ZC3HC1: variants seen among roughly 807,000 people sequenced by gnomAD.
ZC3HC1 encodes the protein zinc finger C3HC-type containing 1, also known as zinc finger C3HC-type protein 1.
A neutral mutation model predicts 61.9 loss-of-function variants in ZC3HC1; 38 were observed. The ratio of observed to expected loss-of-function variants is 0.61; its 90% CI spans 0.47 to 0.81. ZC3HC1 has a LOEUF of 0.81. ZC3HC1 is among the 30% of genes least tolerant of loss of function. ZC3HC1 has a pLI of 0.00. For synonymous variants in ZC3HC1, 213 were observed against 229.9 expected (o/e 0.93, Z 0.67); for missense variants, 554 against 622.7 (o/e 0.89, Z 1.17).
chr7:130,040,875 T>A (rs576421461), intron 3 of ZC3HC1, 76 bp downstream of exon 3: 3 of 1,411,128 alleles, frequency 2.1e-6, no homozygotes, highest in Non-Finnish European at 2.8e-6. Context: ...TAAAATGACC[T>A]TTTTTCCCCC....
At chr7:130,018,803 AC>A in intron 9 of ZC3HC1, 71 bp from the exon 10 acceptor site, 1 of 1,360,110 alleles carries the variant, frequency 7.4e-7, no homozygotes, top group Non-Finnish European at 1.0e-6. Flanking sequence ...CATTTGTCCC[AC>A]AATGATCTGG....
Position 130,023,707 on chromosome 7 carries a change from C to T in ZC3HC1, c.1037G>A (p.Gly346Asp). ...PGSEQAEKSP[G>D]PIVSRTRSWD... ...GCTCCGAGTTCGAGAGACAATGGGA[C>T]CAGGGCTCTTTTCAGCCTGAAGGAA... Residue 346 changes from glycine to aspartate, a missense_variant, in exon 8 of 10, where the codon GGT (glycine) becomes GAT (aspartate). Physicochemically the swap from Gly to Asp is moderately conservative, Grantham distance 94. Coordinates refer to ENST00000358303, the MANE Select transcript of ZC3HC1 (RefSeq NM_016478.5). This position sits in a 1 kb window ranked among gnomAD's most constrained non-coding sequence, Gnocchi z 4.2. The T allele has an allele frequency of 1.2e-6, 2 of 1,613,922 alleles. No homozygotes were observed. The highest frequency in any genetic ancestry group is 2.2e-5 in the East Asian group (1 of 44,886).
intron 4 of ZC3HC1, among the ~76,000 whole-genome samples, chr7:130,035,289 T>A (rs1255034781): frequency 6.7e-6 from 1 of 148,934 alleles, no homozygotes; most frequent in Non-Finnish European, 1.5e-5. Flanking sequence ...TACTCGGGGG[T>A]GCTGAGGCAG....
In ZC3HC1 at chr7:130,033,693, C is replaced by T. The variant is rs138900412; in HGVS notation, c.494-4664G>A. Among the ~76,000 whole-genome samples, 1,165 of 152,204 alleles carry T rather than the reference C, an allele frequency of 7.7e-3. 9 individuals are homozygous for T. The highest frequency in any genetic ancestry group is 0.02 in the Middle Eastern group (6 of 294). The stretch of plus-strand genomic sequence containing the variant: ...GGTCTCAAACTCCTGACCTCGTGAT[C>T]TGCCTGCCTCGGTCACCCAAAGTGT... On this transcript the variant is annotated intron_variant, in intron 4 of 9. Transcript: ENST00000358303.
chr7:130,049,121 T>G lies in ZC3HC1; in HGVS notation c.170A>C (p.Gln57Pro). 1 of 1,602,856 alleles carries G rather than the reference T, an allele frequency of 6.2e-7. No individual in the cohort carries two copies. ...CGCTTGGGGTGATCCATTAACTGAC[T>G]GGGATGTGGCAGACGTGTCCTTCCT... ...VDAKDTSATS[Q>P]SVNGSPQAEQ... Residue 57 changes from glutamine to proline, a missense_variant, in exon 2 of 10, where the codon CAG becomes CCG. Coordinates refer to ENST00000358303, the MANE Select transcript of ZC3HC1 (RefSeq NM_016478.5).
At chr7:130,041,907 C>T (rs1009009558) in intron 2 of ZC3HC1, among the ~76,000 whole-genome samples, 1 of 152,130 alleles carries the variant, frequency 6.6e-6, no homozygotes, top group African/African-American at 2.4e-5. Flanking sequence ...TTTTAATGCA[C>T]AGGCCCATAC....
intron 2 of ZC3HC1, 41 bp from the exon 3 acceptor site, chr7:130,041,142 A>G (rs199642983): frequency 0.016 from 24,160 of 1,537,918 alleles, 227 homozygotes; most frequent in Middle Eastern, 0.018. Context: ...ATATATATAT[A>G]TATGTGTGTG....
At chr7:130,040,802 C>T (rs1377936745) in intron 3 of ZC3HC1, 149 bp downstream of exon 3, 4 of 798,572 alleles carry the variant, frequency 5.0e-6, no homozygotes, top group East Asian at 2.7e-5. Context: ...AAGCAAGACC[C>T]CATCTCAAAA....
intron 3 of ZC3HC1, 70 bp downstream of exon 3, chr7:130,040,881 C>A: frequency 7.4e-7 from 1 of 1,343,838 alleles, no homozygotes; most frequent in African/African-American, 1.5e-5. Flanking sequence ...GACCTTTTTT[C>A]CCCCCCCAGA....
intron 2 of ZC3HC1, among the ~76,000 whole-genome samples, chr7:130,043,138 G>A (rs552013123): frequency 1.2e-4 from 19 of 152,192 alleles, no homozygotes; most frequent in African/African-American, 3.4e-4. Context: ...TCAGCTGGGT[G>A]TGGTAGTATG....
intron 6 of ZC3HC1, among the ~76,000 whole-genome samples, chr7:130,025,248 A>C (rs1248603032): frequency 1.3e-5 from 2 of 150,998 alleles, no homozygotes; most frequent in Non-Finnish European, 3.0e-5. Flanking sequence ...TAAACAAAAA[A>C]CATTCCTTAA....
At position 130,024,644 on chromosome 7, in the gene ZC3HC1, T is replaced by A. The variant is rs572697756; in HGVS notation, c.777-138A>T. On this transcript the variant is annotated intron_variant, in intron 6 of 9. Coordinates refer to ENST00000358303, the MANE Select transcript of ZC3HC1 (RefSeq NM_016478.5). ...TCCTATCAGAGCCTCTGTGCTCCAG[T>A]CTCAGGACCCAGCTTCATACTTCAT... 3.5e-5 allele frequency: 34 copies of A among 972,676 alleles called. No individual in the cohort carries two copies. In the African/African-American group the frequency reaches 5.2e-4, roughly 15 times the overall value. The allele number at this position is 972,676 out of a possible 1,614,324, so 60.3% of individuals were successfully genotyped here. A position where few individuals can be genotyped will look rare whatever the true frequency, so the allele number is the denominator to read the frequency against.
At position 130,039,560 on chromosome 7, in the gene ZC3HC1, T is replaced by C; in HGVS notation, c.410-13A>G. On this transcript the variant is annotated splice_polypyrimidine_tract_variant and intron_variant, in intron 3 of 9. Coordinates refer to ENST00000358303, the MANE Select transcript of ZC3HC1 (RefSeq NM_016478.5). ...CATCGTTGCTTATCTGAAATCCACA[T>C]AAACAGCAACACCTTAAAAAACACT... 1 of 1,603,756 alleles carries C rather than the reference T, an allele frequency of 6.2e-7. No homozygotes were observed. Among genetic ancestry groups the C allele is most frequent in the Admixed American group, 1.7e-5 (1 of 57,394 alleles).
intron 2 of ZC3HC1, among the ~76,000 whole-genome samples, chr7:130,043,042 G>C (rs1794739792): frequency 6.6e-6 from 1 of 152,160 alleles, no homozygotes; most frequent in Non-Finnish European, 1.5e-5. Flanking sequence ...TTGGGAGGCT[G>C]AGACGGGCGG....
intron 5 of ZC3HC1, chr7:130,026,992 TAAAG>T (rs1416297066): frequency 1.4e-5 from 2 of 146,102 alleles, no homozygotes; most frequent in Non-Finnish European, 3.0e-5. Context: ...AAAAAAAAAT[TAAAG>T]AAAAAAAAAT....
At chr7:130,028,876 T>C (rs1001540159) in intron 5 of ZC3HC1, 26 bp downstream of exon 5, 35 of 1,606,158 alleles carry the variant, frequency 2.2e-5, no homozygotes, top group East Asian at 4.5e-5. Flanking sequence ...CTGGAGGCCA[T>C]TGCAGCCTAG....
At chr7:130,046,651 G>A (rs1307432498) in intron 2 of ZC3HC1, among the ~76,000 whole-genome samples, 1 of 151,996 alleles carries the variant, frequency 6.6e-6, no homozygotes, top group African/African-American at 2.4e-5. Context: ...CAAAACAATG[G>A]ATCAAATTCT....
In ZC3HC1 at chr7:130,033,116, T is replaced by G. The variant is rs554717382; in HGVS notation, c.494-4087A>C. Among the ~76,000 whole-genome samples the G allele has an allele frequency of 1.1e-4, 16 of 152,216 alleles. 1 individual carries two copies. The South Asian group carries it at 3.3e-3, about 32-fold the overall frequency. ...GGTGCAATCATGGCTCGCCACAGCC[T>G]TAACCTCCCAAGCTTACGCGATCTT... On this transcript the variant is annotated intron_variant, in intron 4 of 9. Transcript: ENST00000358303.
chr7:130,045,623 C>A, intron 2 of ZC3HC1: 1 of 431,888 alleles, frequency 2.3e-6, no homozygotes, highest in Non-Finnish European at 4.7e-6. Context: ...TCAACTGGGC[C>A]AGGTGCAGTG....
Sources: allele counts gnomAD v4.1 joint callset (sites outside exome capture counted in the v4.1 genomes callset), GRCh38; gene constraint gnomAD v4.1.1; non-coding constraint Gnocchi (gnomAD v3.1); transcripts MANE v1.5; gene names NCBI Gene and HGNC (gene_info 2026-07-23, HGNC 2026-07-21).